SEMA5A: variants seen among roughly 807,000 people sequenced by gnomAD.
The protein encoded by SEMA5A is semaphorin-5A.
Under a neutral mutation model 135.5 loss-of-function variants are expected in SEMA5A, and 55 were observed. The ratio of observed to expected loss-of-function variants is 0.41; its 90% CI spans 0.33 to 0.51. SEMA5A has a LOEUF of 0.51. Among genes scored for constraint, SEMA5A ranks in the 20% least tolerant of loss-of-function variants. SEMA5A has a pLI of 0.37. For synonymous variants in SEMA5A, 580 were observed against 546.5 expected, an observed-to-expected ratio of 1.06 and a Z score of -0.85; for missense variants, 1,290 against 1,419.9, an observed-to-expected ratio of 0.91 and a Z score of 1.47.
At chr5:9,471,706 G>T (rs549428977) in intron 1 of SEMA5A, among the ~76,000 whole-genome samples, 4 of 152,324 alleles carry the variant, frequency 2.6e-5, no homozygotes, top group African/African-American at 9.6e-5. Flanking sequence ...TTGAGTAACT[G>T]TTGCTATTAA....
At chr5:9,369,842 C>G (rs962699479) in intron 3 of SEMA5A, among the ~76,000 whole-genome samples, 7 of 151,782 alleles carry the variant, frequency 4.6e-5, no homozygotes, top group African/African-American at 1.7e-4. Flanking sequence ...TATGAAAGTT[C>G]CATCGCTGAT....
At chr5:9,201,728 AC>A (rs1302611241) in intron 9 of SEMA5A, among the ~76,000 whole-genome samples, 2 of 152,228 alleles carry the variant, frequency 1.3e-5, no homozygotes, top group Non-Finnish European at 2.9e-5. Flanking sequence ...CTAAAGATTG[AC>A]AAAAACTTTC....
intron 3 of SEMA5A, among the ~76,000 whole-genome samples, chr5:9,344,923 C>G (rs2150736338): frequency 6.6e-6 from 1 of 152,258 alleles, no homozygotes; most frequent in East Asian, 1.9e-4. Context: ...TGTTACACCA[C>G]CTGCCCAAGG....
intron 11 of SEMA5A, among the ~76,000 whole-genome samples, chr5:9,157,542 C>A (rs184721688): frequency 7.9e-5 from 12 of 152,170 alleles, no homozygotes; most frequent in Admixed American, 7.9e-4. Flanking sequence ...CTCGTCCACC[C>A]GCCCCTGTCA....
chr5:9,389,677 A>G (rs996470263), intron 2 of SEMA5A, among the ~76,000 whole-genome samples: 4 of 151,728 alleles, frequency 2.6e-5, no homozygotes, highest in Non-Finnish European at 4.4e-5. Context: ...TGTCCTGACC[A>G]ACCTCCTGTA....
rs544827520 is a variant in SEMA5A at position 9,439,934 on chromosome 5, G to A, written c.-174-2082C>T. On this transcript the variant is annotated intron_variant, in intron 1 of 22. Coordinates refer to ENST00000382496, the MANE Select transcript of SEMA5A (RefSeq NM_003966.3). The stretch of plus-strand genomic sequence containing the variant: ...CAGCAGGATTCAAGGGTGTCCACCC[G>A]AAAGGGTTGTTACTGTGCCTGTGTT... Among the ~76,000 whole-genome samples the A allele has an allele frequency of 7.2e-5, 11 of 152,348 alleles. No individual in the cohort carries two copies. The South Asian group carries it at 1.2e-3, about 17-fold the overall frequency.
At chr5:9,228,001 G>C (rs762770492) in intron 6 of SEMA5A, among the ~76,000 whole-genome samples, 1 of 152,114 alleles carries the variant, frequency 6.6e-6, no homozygotes, top group African/African-American at 2.4e-5. Context: ...GAAAACCCTG[G>C]GTATGGTCAT....
At chr5:9,209,077 T>C (rs1170915140) in intron 8 of SEMA5A, among the ~76,000 whole-genome samples, 1 of 152,180 alleles carries the variant, frequency 6.6e-6, no homozygotes, top group East Asian at 1.9e-4. Flanking sequence ...GAACCACTTT[T>C]ACCAAGGGGA....
chr5:9,500,639 T>C (rs565783995), intron 1 of SEMA5A, among the ~76,000 whole-genome samples: 1 of 152,154 alleles, frequency 6.6e-6, no homozygotes, highest in African/African-American at 2.4e-5. Flanking sequence ...CCCAGTTCAA[T>C]TTGCATTTAA....
At chr5:9,258,299 T>C (rs1160388551) in intron 5 of SEMA5A, among the ~76,000 whole-genome samples, 3 of 152,200 alleles carry the variant, frequency 2.0e-5, no homozygotes, top group Admixed American at 6.5e-5. Flanking sequence ...TACTATGCAA[T>C]GAACATCTTG....
intron 11 of SEMA5A, among the ~76,000 whole-genome samples, chr5:9,157,401 C>T (rs1003097388): frequency 1.3e-5 from 2 of 152,174 alleles, no homozygotes; most frequent in Non-Finnish European, 2.9e-5. Flanking sequence ...ACTTGACAGG[C>T]CTCCCTGACT....
chr5:9,246,348 T>C (rs1429886015), intron 5 of SEMA5A, among the ~76,000 whole-genome samples: 4 of 152,172 alleles, frequency 2.6e-5, no homozygotes, highest in African/African-American at 9.6e-5. Flanking sequence ...TCGGAGTGGA[T>C]TGAATTCCCA....
At chr5:9,104,697 G>C (rs1739811296) in intron 16 of SEMA5A, among the ~76,000 whole-genome samples, 1 of 152,160 alleles carries the variant, frequency 6.6e-6, no homozygotes, top group South Asian at 2.1e-4. Context: ...ATCTCACAGT[G>C]ACTCAGAGGC....
chr5:9,250,127 A>C (rs556970865), intron 5 of SEMA5A, among the ~76,000 whole-genome samples: 6 of 152,300 alleles, frequency 3.9e-5, no homozygotes, highest in African/African-American at 1.4e-4. Context: ...TGTAGTGGTG[A>C]ATACAAGGAG....
chr5:9,309,794 T>A (rs149318253), intron 5 of SEMA5A, among the ~76,000 whole-genome samples: 1 of 115,316 alleles, frequency 8.7e-6, no homozygotes, highest in African/African-American at 2.9e-5. Flanking sequence ...ATATACATAA[T>A]CAACTATAAA....
At chr5:9,423,236 G>A (rs558447134) in intron 2 of SEMA5A, among the ~76,000 whole-genome samples, 1 of 152,286 alleles carries the variant, frequency 6.6e-6, no homozygotes, top group East Asian at 1.9e-4. Context: ...TGATTCACAA[G>A]TGCTAAAAAA....
chr5:9,301,328 C>A (rs529864677), intron 5 of SEMA5A, among the ~76,000 whole-genome samples: 3 of 152,314 alleles, frequency 2.0e-5, no homozygotes, highest in Admixed American at 1.3e-4. Context: ...AAATGTGCAA[C>A]GTCATTGAAA....
At chr5:9,345,475 A>C (rs1297159890) in intron 3 of SEMA5A, among the ~76,000 whole-genome samples, 4 of 151,750 alleles carry the variant, frequency 2.6e-5, no homozygotes, top group Non-Finnish European at 5.9e-5. Flanking sequence ...GTTAGTATTT[A>C]ATGCTGATTT....
Position 9,036,109 on chromosome 5 carries a change from TGAA to T in SEMA5A, c.*6785_*6787del, listed in dbSNP as rs1322431112. Reference sequence around the variant, plus strand: ...GCACAAAAGTTTTGCTATGCACTTTTGAAGAATCCAACATTGGACCAAAAGTTT... The same window carrying T: ...GCACAAAAGTTTTGCTATGCACTTTTGAATCCAACATTGGACCAAAAGTTT... On this transcript the variant is annotated 3_prime_UTR_variant, in exon 23 of 23. Transcript: ENST00000382496. 2 of 152,160 alleles carry T rather than the reference TGAA, an allele frequency of 1.3e-5. No individual in the cohort carries two copies. Among genetic ancestry groups the T allele is most frequent in the African/African-American group, 2.4e-5 (1 of 41,434 alleles). The allele number at this position is 152,160 out of a possible 1,614,324, so 9.4% of individuals were successfully genotyped here.
Sources: gnomAD v4.1 joint callset for allele counts (sites outside exome capture counted in the v4.1 genomes callset) on GRCh38, gnomAD v4.1.1 for gene constraint, MANE v1.5 for transcripts, NCBI Gene and HGNC (gene_info 2026-07-23, HGNC 2026-07-21) for gene names.